Variants in DOC2B observed in about 807,000 individuals in gnomAD.
DOC2B encodes the protein double C2 domain beta.
Under a neutral mutation model 28.9 loss-of-function variants are expected in DOC2B, and 21 were observed. The ratio of observed to expected loss-of-function variants is 0.73; its 90% CI spans 0.52 to 1.05. DOC2B has a LOEUF of 1.05. Ranked by LOEUF, DOC2B falls within the 50% of genes least tolerant of loss-of-function variation. The pLI, the probability that DOC2B is intolerant of heterozygous loss-of-function variation, is 0.00. For synonymous variants in DOC2B, 194 were observed against 178.1 expected, an observed-to-expected ratio of 1.09 and a Z score of -0.71; for missense variants, 384 against 421.1, an observed-to-expected ratio of 0.91 and a Z score of 0.77.
In DOC2B at chr17:145,919, T is replaced by C. The variant is rs1393195940; in HGVS notation, c.*1522A>G. Reference sequence around the variant, plus strand: ...CTCTGGGCCTGTTTCCATCACACACTGATGGGCTGAGCACACTGGGACTCT... The same window carrying C: ...CTCTGGGCCTGTTTCCATCACACACCGATGGGCTGAGCACACTGGGACTCT... On this transcript the variant is annotated 3_prime_UTR_variant, in exon 9 of 9. Transcript: ENST00000613549. The C allele has an allele frequency of 6.6e-6, 1 of 152,398 alleles. No homozygotes were observed. The highest frequency in any genetic ancestry group is 2.4e-5 in the African/African-American group (1 of 41,476). 9.4% of individuals were successfully genotyped at this position (152,398 alleles called of 1,614,324 possible).
Position 162,067 on chromosome 17 carries a change from G to A in DOC2B, c.638+14C>T. ...GGTTGGGGAGGGAGCAGGCGGCCTG[G>A]GACCCTCACCCACCGCAGGGTCTTG... On this transcript the variant is annotated intron_variant, in intron 4 of 8. Coordinates refer to ENST00000613549, the MANE Select transcript of DOC2B (RefSeq NM_003585.5). The A allele has an allele frequency of 6.5e-7, 1 of 1,532,432 alleles. No individual in the cohort carries two copies. Among genetic ancestry groups the A allele is most frequent in the Non-Finnish European group, 8.9e-7 (1 of 1,129,498 alleles). 94.9% of individuals were successfully genotyped at this position (1,532,432 alleles called of 1,614,324 possible).
At chr17:151,743 C>A (rs2040074230) in intron 6 of DOC2B, among the ~76,000 whole-genome samples, 1 of 152,202 alleles carries the variant, frequency 6.6e-6, no homozygotes, top group Non-Finnish European at 1.5e-5. Flanking sequence ...CCTGCCTTCA[C>A]AAGCCCCTGG....
chr17:164,050 CA>C (rs1555523598), intron 3 of DOC2B, 79 bp downstream of exon 3: 1 of 1,221,392 alleles, frequency 8.2e-7, no homozygotes, highest in African/African-American at 1.5e-5. Context: ...GTCCAGGCCC[CA>C]AAGCAAAAGG....
chr17:169,471 G>A (rs1310598510), intron 2 of DOC2B, among the ~76,000 whole-genome samples: 1 of 152,002 alleles, frequency 6.6e-6, no homozygotes, highest in African/African-American at 2.4e-5. Flanking sequence ...CAACTGAACT[G>A]TACGCTAAAA....
intron 3 of DOC2B, among the ~76,000 whole-genome samples, chr17:163,058 G>C (rs1253804309): frequency 6.6e-6 from 1 of 152,146 alleles, no homozygotes; most frequent in African/African-American, 2.4e-5. Flanking sequence ...CTGTGGAAAG[G>C]GCACAGGAAT....
In DOC2B at chr17:145,806, C is replaced by G. The variant is rs2040014328; in HGVS notation, c.*1635G>C. On this transcript the variant is annotated 3_prime_UTR_variant, in exon 9 of 9. Coordinates refer to ENST00000613549, the MANE Select transcript of DOC2B (RefSeq NM_003585.5). ...GCTCAGCACGCCAATTCCCCTGAAG[C>G]GTGGTGTCCAGCACTCTGGGCTGGG... is the stretch of plus-strand genomic sequence containing the variant. 6.6e-6 allele frequency: 1 copy of G among 152,586 alleles called. No individual in the cohort carries two copies. Among genetic ancestry groups the G allele is most frequent in the African/African-American group, 2.4e-5 (1 of 41,470 alleles). The allele number at this position is 152,586 out of a possible 1,614,324, so 9.5% of individuals were successfully genotyped here.
chr17:173,402 C>T (rs1048197137), intron 1 of DOC2B, among the ~76,000 whole-genome samples: 13 of 152,126 alleles, frequency 8.5e-5, no homozygotes, highest in South Asian at 8.3e-4. Context: ...AGTGGCAGTC[C>T]GCAGACAGCA....
At chr17:154,159 C>A (rs1555522136) in intron 6 of DOC2B, among the ~76,000 whole-genome samples, 1 of 151,402 alleles carries the variant, frequency 6.6e-6, no homozygotes, top group East Asian at 1.9e-4. Flanking sequence ...CTGCTACACT[C>A]CTTCTTATGG....
At chr17:160,204 G>T (rs528443107) in intron 5 of DOC2B, among the ~76,000 whole-genome samples, 1 of 151,984 alleles carries the variant, frequency 6.6e-6, no homozygotes, top group Non-Finnish European at 1.5e-5. Flanking sequence ...AGGCTCTCTC[G>T]AACTCTTGAC....
At chr17:169,573 C>T (rs956104673) in intron 2 of DOC2B, among the ~76,000 whole-genome samples, 2 of 152,110 alleles carry the variant, frequency 1.3e-5, no homozygotes, top group African/African-American at 4.8e-5. Context: ...TAAAAAGTCT[C>T]CCAGAACTGG....
In DOC2B at chr17:162,163, G is replaced by A. The variant is rs549250508; in HGVS notation, c.556C>T (p.Arg186Cys). The A allele has an allele frequency of 1.4e-5, 22 of 1,551,696 alleles. No individual in the cohort carries two copies. The highest frequency in any genetic ancestry group is 5.5e-5 in the African/African-American group (4 of 73,022). ...TTCCATGTGGGGTTCAGAGTGTTAC[G>A]GAGAGTTTTTGTTCTGAGCTTATTT... is the stretch of plus-strand genomic sequence containing the variant. ...KANKLRTKTLRNTLNPTWNET... is the reference protein window; with the variant it reads ...KANKLRTKTLCNTLNPTWNET... The change falls in exon 4 of 9, where the codon CGT becomes TGT. Residue 186 changes from arginine (R) to cysteine (C), a missense_variant. Coordinates refer to ENST00000613549, the MANE Select transcript of DOC2B (RefSeq NM_003585.5).
Position 161,536 on chromosome 17 carries a change from G to C in DOC2B, c.644C>G (p.Ser215Cys). 5.8e-6 allele frequency: 9 copies of C among 1,551,682 alleles called. No homozygotes were observed. Among genetic ancestry groups the C allele is most frequent in the Non-Finnish European group, 7.8e-6 (9 of 1,146,990 alleles). Reference sequence around the variant, plus strand: ...CCGGAATTTGTCCTCGTCACACACAGAGATCCTAGAGGGGGCGGTGGTGAG... The same window carrying C: ...CCGGAATTTGTCCTCGTCACACACACAGATCCTAGAGGGGGCGGTGGTGAG... Reference protein sequence around the residue: ...EDMIRKTLRISVCDEDKFRHN... With the variant: ...EDMIRKTLRICVCDEDKFRHN... Residue 215 changes from serine (S) to cysteine (C), a missense_variant, in exon 5 of 9, where the codon TCT becomes TGT. Ser to Cys is a moderately radical substitution (Grantham distance 112). Transcript: ENST00000613549.
At chr17:175,374 G>C (rs1226728772) in intron 1 of DOC2B, among the ~76,000 whole-genome samples, 1 of 152,202 alleles carries the variant, frequency 6.6e-6, no homozygotes, top group African/African-American at 2.4e-5. Flanking sequence ...AGGCAGGTGA[G>C]GCTGCTGGAA....
Position 152,103 on chromosome 17 carries a change from C to T in DOC2B, c.924-2911G>A, listed in dbSNP as rs557923989. On this transcript the variant is annotated intron_variant, in intron 6 of 8. Transcript: ENST00000613549. ...CGGGGCTCACGGAGCCGCCCTGTGC[C>T]GTGTACCTCTGAGCCCTCTGCACAG... Among the ~76,000 whole-genome samples, 7 of 152,224 alleles carry T rather than the reference C, an allele frequency of 4.6e-5. No individual in the cohort carries two copies. In the East Asian group the frequency reaches 7.7e-4, roughly 17 times the overall value.
intron 8 of DOC2B, 25 bp from the exon 9 acceptor site, chr17:147,602 T>C: frequency 2.5e-6 from 1 of 398,832 alleles, no homozygotes; most frequent in East Asian, 3.6e-5. Context: ...GAGGGGCAGC[T>C]GGGGCACAGG....
intron 1 of DOC2B, among the ~76,000 whole-genome samples, chr17:175,396 CCCACTGCT>C (rs200301317): frequency 0.05 from 7,642 of 152,326 alleles, 207 homozygotes; most frequent in Middle Eastern, 0.068. Context: ...GGAGGTGTAT[CCCACTGCT>C]CCTGCAGCAA....
At chr17:168,961 T>C (rs2040280527) in intron 2 of DOC2B, among the ~76,000 whole-genome samples, 2 of 151,944 alleles carry the variant, frequency 1.3e-5, no homozygotes, top group African/African-American at 4.8e-5. Flanking sequence ...ACAGGGAGGA[T>C]GGGTGGAAGC....
intron 6 of DOC2B, among the ~76,000 whole-genome samples, chr17:154,141 C>CCGCG (rs2040104462): frequency 6.6e-6 from 1 of 151,256 alleles, no homozygotes; most frequent in African/African-American, 2.4e-5. Context: ...GGCTGATATT[C>CCGCG]CACGCACCTG....
chr17:159,494 C>T (rs1368752050), intron 5 of DOC2B, among the ~76,000 whole-genome samples: 1 of 152,174 alleles, frequency 6.6e-6, no homozygotes, highest in Non-Finnish European at 1.5e-5. Flanking sequence ...CGTGGCGGCA[C>T]ACGCCTGTAG....
Sources: gnomAD v4.1 joint callset for allele counts (sites outside exome capture counted in the v4.1 genomes callset) on GRCh38, gnomAD v4.1.1 for gene constraint, MANE v1.5 for transcripts, NCBI Gene and HGNC (gene_info 2026-07-23, HGNC 2026-07-21) for gene names.